CD226: variants seen among roughly 807,000 people sequenced by gnomAD.
CD226 encodes the protein CD226 molecule, also known as CD226 antigen.
Under a neutral mutation model 34.9 loss-of-function variants are expected in CD226, and 24 were observed. That is an observed-to-expected ratio of 0.69 (90% confidence interval 0.50 to 0.97). CD226 has a LOEUF of 0.97. Ranked by LOEUF, CD226 falls within the 50% of genes least tolerant of loss-of-function variation. The pLI, the probability that CD226 is intolerant of heterozygous loss-of-function variation, is 0.00. For synonymous variants in CD226, 148 were observed against 147.4 expected, an observed-to-expected ratio of 1.00 and a Z score of -0.03; for missense variants, 397 against 412.7, an observed-to-expected ratio of 0.96 and a Z score of 0.33.
chr18:69,937,474 T>C (rs1296039870), intron 2 of CD226, among the ~76,000 whole-genome samples: 2 of 152,192 alleles, frequency 1.3e-5, no homozygotes, highest in African/African-American at 4.8e-5. Context: ...AATAAAATTA[T>C]ATCCTCTAGA....
At chr18:69,918,316 G>A (rs1328274443) in intron 2 of CD226, among the ~76,000 whole-genome samples, 1 of 152,206 alleles carries the variant, frequency 6.6e-6, no homozygotes, top group East Asian at 1.9e-4. Flanking sequence ...ACTTTGGGAG[G>A]CCGAGGCAGG....
intron 2 of CD226, among the ~76,000 whole-genome samples, chr18:69,919,596 T>C (rs1853169325): frequency 6.6e-6 from 1 of 152,198 alleles, no homozygotes; most frequent in African/African-American, 2.4e-5. Flanking sequence ...AAATAAATGC[T>C]GAAGAGACAA....
chr18:69,867,390 T>G lies in CD226; in HGVS notation c.852A>C (p.Arg284Ser). The G allele has an allele frequency of 6.3e-7, 1 of 1,586,304 alleles. No individual in the cohort carries two copies. The highest frequency in any genetic ancestry group is 8.7e-7 in the Non-Finnish European group (1 of 1,154,868). Reference sequence around the variant, plus strand: ...TATCCCAGGACTCTGTAAATAGATCTCTTCTCTCTCTCCTTCTCCTTCTGG... The same window carrying G: ...TATCCCAGGACTCTGTAAATAGATCGCTTCTCTCTCTCCTTCTCCTTCTGG... ...FLNRRRRRERRDLFTESWDTQ... is the reference protein window; with the variant it reads ...FLNRRRRRERSDLFTESWDTQ... Residue 284 changes from arginine to serine, a missense_variant, in exon 5 of 6, where the codon AGA becomes AGC. Coordinates refer to ENST00000582621, the MANE Select transcript of CD226 (RefSeq NM_001303618.2).
chr18:69,951,956 T>TA (rs1412875868), upstream of CD226, among the ~76,000 whole-genome samples: 21 of 152,150 alleles, frequency 1.4e-4, no homozygotes, highest in Non-Finnish European at 1.5e-5. Flanking sequence ...ATCATTATAT[T>TA]AAAAATATAC....
chr18:69,856,804 T>C lies in CD226; in HGVS notation c.*7510A>G, dbSNP rs2145156670. 6.6e-6 allele frequency: 1 copy of C among 152,258 alleles called. No individual in the cohort carries two copies. Among genetic ancestry groups the C allele is most frequent in the South Asian group, 2.1e-4 (1 of 4,830 alleles). 9.4% of individuals were successfully genotyped at this position (152,258 alleles called of 1,614,324 possible). A position where few individuals can be genotyped will look rare whatever the true frequency, so the allele number is the denominator to read the frequency against. On this transcript the variant is annotated 3_prime_UTR_variant, in exon 6 of 6. Transcript: ENST00000582621. ...CCAAAACTTGTGGAACAAAGTGAAATTTATAGCATTAAGTGCCACTATTGG... is the reference window on the plus strand; with the variant it reads ...CCAAAACTTGTGGAACAAAGTGAAACTTATAGCATTAAGTGCCACTATTGG...
chr18:69,918,655 GC>G (rs1410468974), intron 2 of CD226, among the ~76,000 whole-genome samples: 2 of 152,160 alleles, frequency 1.3e-5, no homozygotes, highest in Non-Finnish European at 2.9e-5. Flanking sequence ...TAATAAGGAA[GC>G]CATAAAACTA....
chr18:69,915,825 T>C (rs998852468), intron 2 of CD226, among the ~76,000 whole-genome samples: 4 of 152,272 alleles, frequency 2.6e-5, no homozygotes, highest in East Asian at 3.9e-4. Flanking sequence ...CTAACTCTAC[T>C]GTCTTGGAAT....
Position 69,853,820 on chromosome 18 carries a change from C to G in CD226, c.*10494G>C. ...GGCCTGATGTTGATCCAAGCACAGA[C>G]AGTGAAACTCAGTATGATCTACTCA... is the stretch of plus-strand genomic sequence containing the variant. On this transcript the variant is annotated 3_prime_UTR_variant, in exon 6 of 6. Transcript: ENST00000582621. 6.6e-6 allele frequency: 1 copy of G among 152,190 alleles called. No homozygotes were observed. The highest frequency in any genetic ancestry group is 1.9e-4 in the East Asian group (1 of 5,204). The allele number at this position is 152,190 out of a possible 1,614,324, so 9.4% of individuals were successfully genotyped here. A position where few individuals can be genotyped will look rare whatever the true frequency, so the allele number is the denominator to read the frequency against.
intron 2 of CD226, among the ~76,000 whole-genome samples, chr18:69,943,551 G>A (rs1387458432): frequency 2.0e-5 from 3 of 152,304 alleles, no homozygotes; most frequent in South Asian, 2.1e-4. Context: ...AAGATGTCCT[G>A]TTTGCTCTTA....
intron 3 of CD226, among the ~76,000 whole-genome samples, chr18:69,889,796 A>T (rs1984780114): frequency 6.6e-6 from 1 of 152,100 alleles, no homozygotes; most frequent in Admixed American, 6.5e-5. Flanking sequence ...CCTATACCTC[A>T]CATCGTCCCA....
intron 4 of CD226, among the ~76,000 whole-genome samples, chr18:69,867,812 G>A (rs1375113101): frequency 6.7e-6 from 1 of 150,050 alleles, no homozygotes; most frequent in East Asian, 1.9e-4. Context: ...ATATAATGAA[G>A]CTTTATAAAA....
At chr18:69,890,859 CA>C (rs920430880) in intron 3 of CD226, among the ~76,000 whole-genome samples, 3 of 152,078 alleles carry the variant, frequency 2.0e-5, no homozygotes, top group African/African-American at 7.2e-5. Flanking sequence ...TTCTATCAAA[CA>C]TTCTAGGAAT....
At chr18:69,879,549 T>C (rs35976258) in intron 3 of CD226, among the ~76,000 whole-genome samples, 66,339 of 151,688 alleles carry the variant, frequency 0.44, 14,750 homozygotes, top group Middle Eastern at 0.61. Context: ...TCCCTTGTTC[T>C]CTGAAAATCA....
chr18:69,908,383 G>A (rs1483113667), intron 2 of CD226, among the ~76,000 whole-genome samples: 1 of 152,142 alleles, frequency 6.6e-6, no homozygotes, highest in African/African-American at 2.4e-5. Context: ...TTATATAATA[G>A]CTTGTACATA....
At chr18:69,904,305 T>C (rs138558996) in intron 2 of CD226, among the ~76,000 whole-genome samples, 17 of 152,326 alleles carry the variant, frequency 1.1e-4, no homozygotes, top group African/African-American at 4.1e-4. Flanking sequence ...TGATTTGCAG[T>C]ATGTCCAAAG....
At chr18:69,879,803 A>T (rs542774792) in intron 3 of CD226, among the ~76,000 whole-genome samples, 1 of 152,244 alleles carries the variant, frequency 6.6e-6, no homozygotes, top group South Asian at 2.1e-4. Flanking sequence ...CCATGGCTTC[A>T]GCCAGTCCCT....
intron 4 of CD226, among the ~76,000 whole-genome samples, chr18:69,870,327 T>A (rs1354892692): frequency 7.8e-5 from 11 of 141,250 alleles, no homozygotes; most frequent in African/African-American, 2.9e-4. Context: ...CAGGCTGGAG[T>A]ACAGTGGTGC....
At chr18:69,871,672 G>A (rs1983530525) in intron 4 of CD226, among the ~76,000 whole-genome samples, 1 of 152,208 alleles carries the variant, frequency 6.6e-6, no homozygotes, top group South Asian at 2.1e-4. Context: ...TGGGGAAACA[G>A]CACTTTGGTA....
chr18:69,941,564 T>G (rs1276756707), intron 2 of CD226, among the ~76,000 whole-genome samples: 1 of 152,366 alleles, frequency 6.6e-6, no homozygotes, highest in African/African-American at 2.4e-5. Context: ...CAGACTTGCA[T>G]GGAGCTAGTA....
Sources: allele counts gnomAD v4.1 joint callset (sites outside exome capture counted in the v4.1 genomes callset), GRCh38; gene constraint gnomAD v4.1.1; transcripts MANE v1.5; gene names NCBI Gene and HGNC (gene_info 2026-07-23, HGNC 2026-07-21).